The following NCOA3 variants were observed in gnomAD, a reference collection of about 807,000 sequenced individuals.
NCOA3 encodes CBP-interacting protein.
In NCOA3, 51 loss-of-function variants were observed where a neutral mutation model predicts 158.8. The ratio of observed to expected loss-of-function variants is 0.32; its 90% CI spans 0.26 to 0.41. NCOA3 has a LOEUF of 0.41. Among genes scored for constraint, NCOA3 ranks in the 10% least tolerant of loss-of-function variants. The pLI is 1.00. For missense variants in NCOA3, 1,510 were observed against 1,746.6 expected, an observed-to-expected ratio of 0.86 and a Z score of 2.41; for synonymous variants, 537 against 592.4, an observed-to-expected ratio of 0.91 and a Z score of 1.36.
chr20:47,542,733 G>A (rs757203596), intron 1 of NCOA3, among the ~76,000 whole-genome samples: 3 of 152,114 alleles, frequency 2.0e-5, no homozygotes, highest in Non-Finnish European at 4.4e-5. Flanking sequence ...AAGCCCAGGC[G>A]GGTGGATCAT....
chr20:47,520,840 C>T (rs574146303), intron 1 of NCOA3, among the ~76,000 whole-genome samples: 1 of 152,200 alleles, frequency 6.6e-6, no homozygotes, highest in Non-Finnish European at 1.5e-5. Flanking sequence ...CCCCTCTTAG[C>T]GTTGGTGTGC....
At chr20:47,542,029 T>TTTTTTTTTTTG (rs1315473982) in intron 1 of NCOA3, among the ~76,000 whole-genome samples, 22 of 76,676 alleles carry the variant, frequency 2.9e-4, no homozygotes, top group South Asian at 4.1e-4. Flanking sequence ...TTTTTTTTTT[T>TTTTTTTTTTTG]TGTTGTTGTT....
chr20:47,644,429 G>A (rs983256502), intron 17 of NCOA3, among the ~76,000 whole-genome samples: 3 of 152,144 alleles, frequency 2.0e-5, no homozygotes, highest in Non-Finnish European at 4.4e-5. Context: ...GATTACAGGC[G>A]TGAGCCACCG....
chr20:47,642,473 T>G, intron 17 of NCOA3, 89 bp downstream of exon 17: 3 of 855,972 alleles, frequency 3.5e-6, no homozygotes, highest in Non-Finnish European at 4.9e-6. Flanking sequence ...AGAATGCCTG[T>G]GTGTGTCTCT....
chr20:47,601,910 C>T (rs2085871254), intron 2 of NCOA3, among the ~76,000 whole-genome samples: 1 of 152,122 alleles, frequency 6.6e-6, no homozygotes, highest in African/African-American at 2.4e-5. Context: ...CAGGGGGAGC[C>T]ATATTCATTT....
At chr20:47,505,634 C>T (rs74275274) in intron 1 of NCOA3, among the ~76,000 whole-genome samples, 1 of 152,038 alleles carries the variant, frequency 6.6e-6, no homozygotes, top group East Asian at 1.9e-4. Context: ...CATTACTGAG[C>T]GGTTAAAGCT....
At position 47,636,616 on chromosome 20, in the gene NCOA3, A is replaced by G. The variant is rs769209335; in HGVS notation, c.2230A>G (p.Arg744Gly). ...TGCACTTCTTAGATACCTGCTGGAC[A>G]GGGATGATCCTAGTGATGCACTCTC... The part of the protein sequence containing the change: ...NNALLRYLLD[R>G]DDPSDALSKE... Residue 744 changes from arginine (R) to glycine (G), a missense_variant, in exon 12 of 23, where the codon AGG (arginine) becomes GGG (glycine). This residue lies in a region of NCOA3 where 1,017 missense variants were observed against 1,098.3 expected (regional missense o/e 0.93). Coordinates refer to ENST00000371998, the MANE Select transcript of NCOA3 (RefSeq NM_181659.3). The G allele has an allele frequency of 6.2e-7, 1 of 1,614,254 alleles. No individual in the cohort carries two copies.
rs1408646656 is a variant in NCOA3 at position 47,633,620 on chromosome 20, A to G, written c.948A>G (p.Lys316=). 1.2e-6 allele frequency: 2 copies of G among 1,612,864 alleles called. No individual in the cohort carries two copies. The highest frequency in any genetic ancestry group is 1.1e-5 in the South Asian group (1 of 90,704). The change falls in exon 9 of 23, where the codon AAA becomes AAG. Residue 316 remains lysine, a synonymous_variant. Coordinates refer to ENST00000371998, the MANE Select transcript of NCOA3 (RefSeq NM_181659.3). ...ATGATGGGCAGTCATGGTCCCAGAAACGTCACTATCAAGAAGGTAAAGAAT... is the reference window on the plus strand; with the variant it reads ...ATGATGGGCAGTCATGGTCCCAGAAGCGTCACTATCAAGAAGGTAAAGAAT... ...SLNDGQSWSQ[K]RHYQEAYLNG...
At chr20:47,652,310 C>A (rs984914542) in intron 20 of NCOA3, 96 bp from the exon 21 acceptor site, 9 of 1,056,066 alleles carry the variant, frequency 8.5e-6, no homozygotes, top group Non-Finnish European at 1.2e-5. Flanking sequence ...TCCACCCCCA[C>A]CTCCTTTAAA....
At chr20:47,511,854 T>C (rs1176611776) in intron 1 of NCOA3, among the ~76,000 whole-genome samples, 1 of 151,980 alleles carries the variant, frequency 6.6e-6, no homozygotes, top group Non-Finnish European at 1.5e-5. Context: ...TTGTGTGGAA[T>C]AATAGACAAG....
chr20:47,633,772 A>T, intron 9 of NCOA3, 136 bp downstream of exon 9: 1 of 982,846 alleles, frequency 1.0e-6, no homozygotes, highest in South Asian at 1.7e-5. Flanking sequence ...CCAAGACTGC[A>T]GGTGCACACC....
chr20:47,506,177 T>TTACAAAATAAACACTTCAGAATTAAGGC, intron 1 of NCOA3, among the ~76,000 whole-genome samples: 1 of 151,988 alleles, frequency 6.6e-6, no homozygotes, highest in East Asian at 1.9e-4. Flanking sequence ...AGAATTAAGG[T>TTACAAAATAAACACTTCAGAATTAAGGC]GGAGGAGGGG....
At chr20:47,598,060 G>A (rs1602461710) in intron 2 of NCOA3, among the ~76,000 whole-genome samples, 1 of 150,740 alleles carries the variant, frequency 6.6e-6, no homozygotes, top group East Asian at 2.1e-4. Flanking sequence ...CCTGGCTAAC[G>A]CAATGAAACC....
chr20:47,651,828 G>GT (rs796088611), intron 20 of NCOA3, among the ~76,000 whole-genome samples: 2,314 of 145,900 alleles, frequency 0.016, 24 homozygotes, highest in Non-Finnish European at 0.02. Context: ...ACCCCCGGCT[G>GT]TTTTTTTTTT....
At chr20:47,576,223 G>T (rs971172433) in intron 1 of NCOA3, among the ~76,000 whole-genome samples, 4 of 152,152 alleles carry the variant, frequency 2.6e-5, no homozygotes, top group Non-Finnish European at 1.5e-5. Flanking sequence ...GTAATGGTTT[G>T]AGGAGAGGGT....
intron 2 of NCOA3, among the ~76,000 whole-genome samples, chr20:47,605,179 T>C (rs2085926163): frequency 6.6e-6 from 1 of 152,262 alleles, no homozygotes; most frequent in African/African-American, 2.4e-5. Context: ...TAGTTCACTT[T>C]TTAAATACAC....
chr20:47,648,675 G>A (rs138411675), intron 18 of NCOA3, among the ~76,000 whole-genome samples: 1 of 151,996 alleles, frequency 6.6e-6, no homozygotes, highest in Non-Finnish European at 1.5e-5. Context: ...ATGTTGCCCA[G>A]ACTGATCTCA....
intron 2 of NCOA3, among the ~76,000 whole-genome samples, chr20:47,618,370 TA>T (rs1206660016): frequency 0.013 from 1,826 of 142,094 alleles, 59 homozygotes; most frequent in African/African-American, 0.047. Context: ...TTTTTTTTTT[TA>T]TAGACAGAAT....
chr20:47,515,954 G>T (rs1322018909), intron 1 of NCOA3, among the ~76,000 whole-genome samples: 1 of 152,186 alleles, frequency 6.6e-6, no homozygotes, highest in Non-Finnish European at 1.5e-5. Flanking sequence ...CACATACTGT[G>T]TGATTCTAAC....
Sources: allele counts gnomAD v4.1 joint callset (sites outside exome capture counted in the v4.1 genomes callset), GRCh38; gene constraint gnomAD v4.1.1; regional missense constraint gnomAD v4.1.1; transcripts MANE v1.5; gene names NCBI Gene and HGNC (gene_info 2026-07-23, HGNC 2026-07-21).